Variants in ADAMTSL3 observed in about 807,000 individuals in gnomAD.
ADAMTSL3 encodes the protein ADAMTS like 3.
A neutral mutation model predicts 201.7 loss-of-function variants in ADAMTSL3; 128 were observed. That is an observed-to-expected ratio of 0.63 (90% CI 0.55 to 0.73). The LOEUF is 0.73. Among genes scored for constraint, ADAMTSL3 ranks in the 30% least tolerant of loss-of-function variants. The probability of loss-of-function intolerance (pLI) is 0.00; values close to 1 mark genes in which losing one functional copy is unlikely to be tolerated. For synonymous variants in ADAMTSL3, 738 were observed against 748.4 expected, an observed-to-expected ratio of 0.99 and a Z score of 0.23; for missense variants, 1,990 against 2,119.6, an observed-to-expected ratio of 0.94 and a Z score of 1.20.
At chr15:83,683,034 C>T (rs1596020343) in intron 2 of ADAMTSL3, among the ~76,000 whole-genome samples, 2 of 152,126 alleles carry the variant, frequency 1.3e-5, no homozygotes, top group Admixed American at 6.5e-5. Context: ...CAAGGAAATT[C>T]ACTTGGAAAT....
chr15:83,900,211 T>C (rs989533786), intron 15 of ADAMTSL3, among the ~76,000 whole-genome samples: 7 of 152,202 alleles, frequency 4.6e-5, no homozygotes, highest in African/African-American at 1.7e-4. Context: ...CTACATGACC[T>C]AAGACAAGTC....
At chr15:83,911,599 A>G (rs1289147307) in intron 15 of ADAMTSL3, among the ~76,000 whole-genome samples, 1 of 152,230 alleles carries the variant, frequency 6.6e-6, no homozygotes, top group African/African-American at 2.4e-5. Context: ...AGAATTAGAG[A>G]GAAGGGTTCC....
intron 17 of ADAMTSL3, among the ~76,000 whole-genome samples, chr15:83,925,930 C>G (rs551001990): frequency 6.6e-6 from 1 of 152,212 alleles, no homozygotes; most frequent in Admixed American, 6.5e-5. Context: ...AGGGAGGGGG[C>G]AAAACATAGT....
At chr15:83,747,719 A>C (rs950963318) in intron 3 of ADAMTSL3, among the ~76,000 whole-genome samples, 5 of 152,082 alleles carry the variant, frequency 3.3e-5, no homozygotes. Flanking sequence ...ACTTCGTAAG[A>C]ATGGCTGTGG....
intron 23 of ADAMTSL3, among the ~76,000 whole-genome samples, chr15:84,002,936 CTTT>C (rs368176543): frequency 4.0e-5 from 4 of 99,980 alleles, no homozygotes; most frequent in South Asian, 3.6e-4. Flanking sequence ...CTTTTCTTTT[CTTT>C]TTTTTTTTTT....
In ADAMTSL3 at chr15:83,964,686, C is replaced by T. The variant is rs193079311; in HGVS notation, c.2491-5798C>T. On this transcript the variant is annotated intron_variant, in intron 19 of 29. Coordinates refer to ENST00000286744, the MANE Select transcript of ADAMTSL3 (RefSeq NM_207517.3). ...AAATACAGAGAATACCACAAAGATA[C>T]TCCTCTAGAAGAACAACCCCAAGAC... is the stretch of plus-strand genomic sequence containing the variant. Among the ~76,000 whole-genome samples the T allele has an allele frequency of 7.2e-5, 11 of 152,214 alleles. No homozygotes were observed. The East Asian group carries it at 2.1e-3, about 29-fold the overall frequency.
chr15:83,746,920 T>A (rs1163933305), intron 3 of ADAMTSL3, among the ~76,000 whole-genome samples: 11 of 152,226 alleles, frequency 7.2e-5, no homozygotes, highest in Non-Finnish European at 1.5e-5. Context: ...ACTTTTCAGT[T>A]TGTACTAATG....
intron 4 of ADAMTSL3, among the ~76,000 whole-genome samples, chr15:83,797,875 C>T (rs545516302): frequency 3.9e-5 from 6 of 152,224 alleles, no homozygotes; most frequent in Admixed American, 2.0e-4. Context: ...TTTAAGATTG[C>T]TCATTGCAGA....
intron 3 of ADAMTSL3, among the ~76,000 whole-genome samples, chr15:83,753,938 CAT>C (rs1292627802): frequency 9.9e-5 from 15 of 152,270 alleles, no homozygotes; most frequent in East Asian, 3.9e-4. Context: ...ATTTTAATAA[CAT>C]GTGGTTGTCA....
intron 6 of ADAMTSL3, among the ~76,000 whole-genome samples, chr15:83,829,099 T>A (rs1208162527): frequency 6.6e-6 from 1 of 152,216 alleles, no homozygotes; most frequent in African/African-American, 2.4e-5. Flanking sequence ...TCAGAAGGAA[T>A]GGTACCAGCT....
intron 7 of ADAMTSL3, among the ~76,000 whole-genome samples, chr15:83,847,293 T>G (rs970434279): frequency 2.6e-5 from 4 of 152,176 alleles, no homozygotes; most frequent in Non-Finnish European, 4.4e-5. Flanking sequence ...TACTGCATTT[T>G]TCTCACCCCC....
rs147058841 is a variant in ADAMTSL3 at position 83,913,536 on chromosome 15, C to CT, written c.1987+168dup. Among the ~76,000 whole-genome samples, 1,409 of 147,614 alleles carry CT rather than the reference C, an allele frequency of 9.5e-3. 17 individuals carry two copies. Among genetic ancestry groups the CT allele is most frequent in the African/African-American group, 0.032 (1,282 of 40,426 alleles). The stretch of plus-strand genomic sequence containing the variant: ...ATGATACTTTTTCTTCTTTTTCTTT[C>CT]TTTTTTTTTTGTAGTGATTATTTTA... On this transcript the variant is annotated intron_variant, in intron 16 of 29. Transcript: ENST00000286744.
At chr15:83,969,073 A>C (rs2067143923) in intron 19 of ADAMTSL3, among the ~76,000 whole-genome samples, 1 of 152,198 alleles carries the variant, frequency 6.6e-6, no homozygotes, top group African/African-American at 2.4e-5. Flanking sequence ...TGATGGGTGC[A>C]GCAAACCACC....
intron 8 of ADAMTSL3, among the ~76,000 whole-genome samples, chr15:83,861,164 A>G (rs141747359): frequency 2.0e-5 from 3 of 151,602 alleles, no homozygotes; most frequent in East Asian, 3.9e-4. Context: ...GACTCCACCT[A>G]CTCCACCTAG....
chr15:83,824,938 C>T (rs1269538544), intron 6 of ADAMTSL3: 2 of 152,096 alleles, frequency 1.3e-5, no homozygotes, highest in East Asian at 3.8e-4. Flanking sequence ...GTATCATTAG[C>T]ATTGTATCAT....
At chr15:83,743,880 T>C (rs1180234514) in intron 3 of ADAMTSL3, among the ~76,000 whole-genome samples, 3 of 152,108 alleles carry the variant, frequency 2.0e-5, no homozygotes, top group Non-Finnish European at 4.4e-5. Flanking sequence ...TTTTTTGATA[T>C]GGCGTCTGTT....
chr15:83,942,655 G>A lies in ADAMTSL3; in HGVS notation c.2177G>A (p.Arg726Gln), dbSNP rs750649271. Residue 726 changes from arginine (R) to glutamine (Q), a missense_variant, in exon 18 of 30, where the codon CGA becomes CAA. Physicochemically the swap from Arg to Gln is conservative, Grantham distance 43 (BLOSUM62 1). Coordinates refer to ENST00000286744, the MANE Select transcript of ADAMTSL3 (RefSeq NM_207517.3). ...ACCTGTGGAGTTGGAATTCAGACCC[G>A]AGATGTGTACTGCCTGCACCCAGGG... Reference protein sequence around the residue: ...SATCGVGIQTRDVYCLHPGET... With the variant: ...SATCGVGIQTQDVYCLHPGET... The A allele has an allele frequency of 1.2e-5, 20 of 1,613,946 alleles. No individual in the cohort carries two copies. Among genetic ancestry groups the A allele is most frequent in the South Asian group, 2.2e-5 (2 of 91,082 alleles).
chr15:83,852,044 G>A (rs2064626263), intron 7 of ADAMTSL3, among the ~76,000 whole-genome samples: 2 of 152,014 alleles, frequency 1.3e-5, no homozygotes, highest in South Asian at 2.1e-4. Context: ...TTGATCATTA[G>A]GTATAAACTT....
At chr15:83,661,479 C>T (rs1378339621) in intron 2 of ADAMTSL3, among the ~76,000 whole-genome samples, 1 of 151,930 alleles carries the variant, frequency 6.6e-6, no homozygotes, top group Non-Finnish European at 1.5e-5. Context: ...TTGTAGTTCT[C>T]CTTGAAGAGG....
Sources: allele counts gnomAD v4.1 joint callset (sites outside exome capture counted in the v4.1 genomes callset), GRCh38; gene constraint gnomAD v4.1.1; transcripts MANE v1.5; gene names NCBI Gene and HGNC (gene_info 2026-07-23, HGNC 2026-07-21).